UACA: variants seen among roughly 807,000 people sequenced by gnomAD.
The protein encoded by UACA is nuclear membrane binding protein.
A neutral mutation model predicts 160.5 loss-of-function variants in UACA; 112 were observed. That is an observed-to-expected ratio of 0.70 (90% CI 0.60 to 0.82). UACA has a LOEUF of 0.82. Among genes scored for constraint, UACA ranks in the 40% least tolerant of loss-of-function variants. The probability of loss-of-function intolerance (pLI) is 0.00; values close to 1 mark genes in which losing one functional copy is unlikely to be tolerated. For missense variants in UACA, 1,574 were observed against 1,614.6 expected (o/e 0.97, Z 0.43); for synonymous variants, 557 against 568.4 (o/e 0.98, Z 0.29).
chr15:70,666,851 AG>A lies in UACA; in HGVS notation c.3832del (p.Leu1278CysfsTer20). ...EISAKDEKELLHFSIEQEIKD... is the reference protein window; with the variant it reads ...EISAKDEKELXHFSIEQEIKD... The stretch of plus-strand genomic sequence containing the variant: ...AATTTCTTGCTCAATGCTGAAATGC[AG>A]TAATTCCTTCTCATCTTTTGCAGAT... On this transcript the variant is annotated frameshift_variant, in exon 16 of 19. Coordinates refer to ENST00000322954, the MANE Select transcript of UACA (RefSeq NM_018003.4). LOFTEE classifies it high-confidence loss of function. 6.2e-7 allele frequency: 1 copy of A among 1,613,958 alleles called. No individual in the cohort carries two copies. The highest frequency in any genetic ancestry group is 1.3e-5 in the African/African-American group (1 of 75,050).
chr15:70,710,558 C>A (rs1898654360), intron 1 of UACA, among the ~76,000 whole-genome samples: 1 of 152,188 alleles, frequency 6.6e-6, no homozygotes, highest in Non-Finnish European at 1.5e-5. Flanking sequence ...TCACTCCCAC[C>A]CTTCAGATGC....
chr15:70,690,780 T>C (rs1007251055), intron 4 of UACA, among the ~76,000 whole-genome samples: 2 of 152,112 alleles, frequency 1.3e-5, no homozygotes, highest in Non-Finnish European at 2.9e-5. Flanking sequence ...GTTTGGGGTT[T>C]TTTTTTCCAC....
chr15:70,750,649 T>C (rs2029988185), intron 1 of UACA, among the ~76,000 whole-genome samples: 1 of 152,160 alleles, frequency 6.6e-6, no homozygotes, highest in Non-Finnish European at 1.5e-5. Context: ...GGAGGATCGC[T>C]TGAGCCCTCA....
intron 5 of UACA, 82 bp downstream of exon 5, chr15:70,690,372 T>C: frequency 5.0e-6 from 6 of 1,191,076 alleles, no homozygotes; most frequent in Non-Finnish European, 6.1e-6. Context: ...TATATAAATA[T>C]CTATGTGTTA....
At chr15:70,713,406 C>G (rs1262020501) in intron 1 of UACA, among the ~76,000 whole-genome samples, 3 of 152,132 alleles carry the variant, frequency 2.0e-5, no homozygotes, top group Non-Finnish European at 4.4e-5. Context: ...CTGAAAAAGG[C>G]TGTTGTAAGA....
At chr15:70,724,872 C>T (rs917298163) in intron 1 of UACA, among the ~76,000 whole-genome samples, 2 of 148,734 alleles carry the variant, frequency 1.3e-5, no homozygotes, top group African/African-American at 5.0e-5. Flanking sequence ...TACTCTTGCC[C>T]AGAAGTTTGA....
chr15:70,710,372 C>G (rs774489285), intron 1 of UACA, among the ~76,000 whole-genome samples: 1 of 152,198 alleles, frequency 6.6e-6, no homozygotes, highest in African/African-American at 2.4e-5. Context: ...TTTCCCAACT[C>G]TCACACTCAC....
chr15:70,691,707 T>G (rs1344873550), intron 3 of UACA, among the ~76,000 whole-genome samples: 1 of 151,732 alleles, frequency 6.6e-6, no homozygotes, highest in Non-Finnish European at 1.5e-5. Context: ...AGAAAGACAA[T>G]GAGGAAAGAA....
At position 70,655,121 on chromosome 15, in the gene UACA, T is replaced by C. The variant is rs1477956173; in HGVS notation, c.*1935A>G. 1 of 152,242 alleles carries C rather than the reference T, an allele frequency of 6.6e-6. No homozygotes were observed. The highest frequency in any genetic ancestry group is 6.5e-5 in the Admixed American group (1 of 15,280). The allele number at this position is 152,242 out of a possible 1,614,324, so 9.4% of individuals were successfully genotyped here. On this transcript the variant is annotated 3_prime_UTR_variant, in exon 19 of 19. Coordinates refer to ENST00000322954, the MANE Select transcript of UACA (RefSeq NM_018003.4). Reference sequence around the variant, plus strand: ...CAAAACAATATTCTAGAGAAAACTTTATTGATGGTTGAAAACAAAATAAAA... The same window carrying C: ...CAAAACAATATTCTAGAGAAAACTTCATTGATGGTTGAAAACAAAATAAAA...
chr15:70,687,305 A>G (rs1420044486), intron 7 of UACA, among the ~76,000 whole-genome samples: 4 of 152,148 alleles, frequency 2.6e-5, no homozygotes, highest in Non-Finnish European at 5.9e-5. Flanking sequence ...AGGCCTAATC[A>G]CTGCTTTTAT....
At chr15:70,675,616 T>C (rs1005723714) in intron 13 of UACA, among the ~76,000 whole-genome samples, 2 of 152,216 alleles carry the variant, frequency 1.3e-5, no homozygotes, top group Non-Finnish European at 2.9e-5. Context: ...AATAGAATCG[T>C]GCAGTATGTA....
upstream of UACA, among the ~76,000 whole-genome samples, chr15:70,767,276 C>A (rs374419375): frequency 0.017 from 1,789 of 102,530 alleles, 168 homozygotes; most frequent in African/African-American, 0.065. Context: ...AAAACAAAAA[C>A]AACAACAATA....
chr15:70,773,351 T>C, the UACA span, among the ~76,000 whole-genome samples: 1 of 152,074 alleles, frequency 6.6e-6, no homozygotes, highest in Non-Finnish European at 1.5e-5. Context: ...TGGGAGGTGA[T>C]AGGGTGTTCT....
the UACA span, among the ~76,000 whole-genome samples, chr15:70,772,227 C>T: frequency 1.3e-5 from 2 of 152,116 alleles, no homozygotes; most frequent in Admixed American, 1.3e-4. Flanking sequence ...GGCGCGGTGG[C>T]TCACGCCTGT....
chr15:70,659,533 A>G (rs1203739374), intron 18 of UACA, among the ~76,000 whole-genome samples: 1 of 150,530 alleles, frequency 6.6e-6, no homozygotes, highest in African/African-American at 2.4e-5. Flanking sequence ...AAAAAAATCT[A>G]TTCTGAGAAT....
intron 1 of UACA, among the ~76,000 whole-genome samples, chr15:70,712,712 A>G (rs191950721): frequency 2.6e-4 from 40 of 152,302 alleles, no homozygotes; most frequent in African/African-American, 9.4e-4. Context: ...TTGGTCTGCT[A>G]TAAGGCAAAT....
At chr15:70,718,319 AG>A (rs1566989710) in intron 1 of UACA, among the ~76,000 whole-genome samples, 24 of 93,940 alleles carry the variant, frequency 2.6e-4, no homozygotes, top group African/African-American at 8.1e-4. Flanking sequence ...GGAGAGAGAG[AG>A]AGAATGTGTG....
At chr15:70,748,095 A>T (rs1442269330) in intron 1 of UACA, among the ~76,000 whole-genome samples, 2 of 152,198 alleles carry the variant, frequency 1.3e-5, no homozygotes, top group African/African-American at 4.8e-5. Flanking sequence ...CTAGGCTGAC[A>T]CTGGACCCAA....
At chr15:70,718,270 GA>G (rs1253435263) in intron 1 of UACA, among the ~76,000 whole-genome samples, 1 of 143,332 alleles carries the variant, frequency 7.0e-6, no homozygotes, top group Non-Finnish European at 1.5e-5. Flanking sequence ...GGAGGGGGAG[GA>G]GGGGGAGAGA....
Sources: allele counts gnomAD v4.1 joint callset (sites outside exome capture counted in the v4.1 genomes callset), GRCh38; gene constraint gnomAD v4.1.1; transcripts MANE v1.5; gene names NCBI Gene and HGNC (gene_info 2026-07-23, HGNC 2026-07-21).